The following DMXL2 variants were observed in gnomAD, a reference collection of about 807,000 sequenced individuals.
DMXL2 encodes dmX-like protein 2.
In DMXL2, 103 loss-of-function variants were observed where a neutral mutation model predicts 331.1. The ratio of observed to expected loss-of-function variants is 0.31; its 90% CI spans 0.27 to 0.37. The LOEUF (loss-of-function observed/expected upper bound fraction) is 0.37, where lower values mean the gene tolerates loss of function less well. DMXL2 is among the 10% of genes least tolerant of loss of function. The pLI, the probability that DMXL2 is intolerant of heterozygous loss-of-function variation, is 1.00. For synonymous variants in DMXL2, 1,281 were observed against 1,252.1 expected (o/e 1.02, Z -0.49); for missense variants, 3,171 against 3,642.9 (o/e 0.87, Z 3.33).
chr15:51,536,049 T>G (rs2048268375), intron 12 of DMXL2, 117 bp downstream of exon 12: 1 of 1,012,220 alleles, frequency 9.9e-7, no homozygotes, highest in Admixed American at 3.4e-5. Context: ...AAAATCACCT[T>G]AATGAAAACT....
intron 5 of DMXL2, 23 bp from the exon 6 acceptor site, chr15:51,563,470 AT>A: frequency 6.4e-7 from 1 of 1,565,002 alleles, no homozygotes. Flanking sequence ...GAGTTAGGCA[AT>A]TAGCCCTTTT....
At chr15:51,559,452 C>T (rs935606327) in intron 6 of DMXL2, among the ~76,000 whole-genome samples, 4 of 152,146 alleles carry the variant, frequency 2.6e-5, no homozygotes, top group African/African-American at 9.7e-5. Context: ...CAGTGGCTCA[C>T]GCCTGTAATC....
intron 1 of DMXL2, among the ~76,000 whole-genome samples, chr15:51,598,040 T>C (rs1015868300): frequency 5.9e-5 from 9 of 152,242 alleles, no homozygotes; most frequent in African/African-American, 1.9e-4. Flanking sequence ...AATATAGATG[T>C]TGCAATTCTT....
chr15:51,551,745 G>A (rs2049235395), intron 6 of DMXL2, among the ~76,000 whole-genome samples: 1 of 152,168 alleles, frequency 6.6e-6, no homozygotes, highest in Admixed American at 6.5e-5. Flanking sequence ...GAATGGCTGG[G>A]GATATAGCTG....
intron 33 of DMXL2, among the ~76,000 whole-genome samples, chr15:51,461,839 T>C (rs1295394152): frequency 6.6e-6 from 1 of 152,152 alleles, no homozygotes; most frequent in Admixed American, 6.5e-5. Flanking sequence ...TATGCCTGGC[T>C]AAAATCTTTT....
At chr15:51,540,335 G>C (rs1330873072) in intron 9 of DMXL2, among the ~76,000 whole-genome samples, 3 of 152,120 alleles carry the variant, frequency 2.0e-5, no homozygotes, top group Non-Finnish European at 4.4e-5. Flanking sequence ...TTCCTCACAT[G>C]CAATAACAGT....
chr15:51,576,637 G>A (rs908386041), intron 1 of DMXL2, among the ~76,000 whole-genome samples: 2 of 152,072 alleles, frequency 1.3e-5, no homozygotes, highest in African/African-American at 4.8e-5. Flanking sequence ...AATTCCACAT[G>A]CCTTAAAGAG....
intron 13 of DMXL2, among the ~76,000 whole-genome samples, chr15:51,524,612 G>C (rs1479124448): frequency 6.6e-6 from 1 of 152,148 alleles, no homozygotes; most frequent in Non-Finnish European, 1.5e-5. Context: ...GGAAGAGCAA[G>C]CAACTGTGAG....
In DMXL2 at chr15:51,481,037, A is replaced by G. The variant is rs1351989536; in HGVS notation, c.6069T>C (p.Pro2023=). ...CACCTTCAGGATCATCCTCTTCCTG[A>G]GGTGTTAATAACATGTTAGGGTCTG... The part of the protein sequence containing the change: ...KASDPNMLLT[P]QEEDDPEGDT... The change falls in exon 24 of 44, where the codon CCT becomes CCC. Residue 2023 remains proline, a synonymous_variant. Coordinates refer to ENST00000560891, the MANE Select transcript of DMXL2 (RefSeq NM_001378457.1). The G allele has an allele frequency of 3.1e-6, 5 of 1,614,030 alleles. No homozygotes were observed. Among genetic ancestry groups the G allele is most frequent in the Non-Finnish European group, 4.2e-6 (5 of 1,180,028 alleles).
At position 51,449,114 on chromosome 15, in the gene DMXL2, C is replaced by A; in HGVS notation, c.9047G>T (p.Gly3016Val). The A allele has an allele frequency of 1.2e-6, 2 of 1,614,114 alleles. No homozygotes were observed. Among genetic ancestry groups the A allele is most frequent in the Non-Finnish European group, 1.7e-6 (2 of 1,180,012 alleles). Residue 3016 changes from glycine (G) to valine (V), a missense_variant, in exon 44 of 44, where the codon GGG (glycine) becomes GTG (valine). Physicochemically the swap from Gly to Val is moderately radical, Grantham distance 109. Transcript: ENST00000560891. ...HAKQSIFRNI[G>V]AGVMQIDIIQ... is the part of the protein sequence containing the mutation. ...GATGTCAATCTGCATGACTCCAGCC[C>A]CAATGTTTCGAAATATGGACTGCTT...
At chr15:51,458,246 A>C (rs538605802) in intron 36 of DMXL2, among the ~76,000 whole-genome samples, 1 of 152,358 alleles carries the variant, frequency 6.6e-6, no homozygotes, top group East Asian at 1.9e-4. Flanking sequence ...GATCAGATTA[A>C]TTTACTGAAT....
chr15:51,543,637 T>C lies in DMXL2; in HGVS notation c.931-1130A>G, dbSNP rs528880410. ...ACAAAACATATAACTTAAGAATATA[T>C]ACAATTATATAGAACTAACAGTAAG... is the stretch of plus-strand genomic sequence containing the variant. On this transcript the variant is annotated intron_variant, in intron 8 of 43. Transcript: ENST00000560891. Among the ~76,000 whole-genome samples the C allele has an allele frequency of 5.3e-5, 8 of 152,266 alleles. No homozygotes were observed. The East Asian group carries it at 5.8e-4, about 11-fold the overall frequency.
chr15:51,622,144 T>G (rs2054681285), intron 1 of DMXL2, among the ~76,000 whole-genome samples: 2 of 152,204 alleles, frequency 1.3e-5, no homozygotes, highest in Middle Eastern at 3.4e-3. Flanking sequence ...GCACCACCAC[T>G]TTCCTCCACC....
At chr15:51,531,601 AAAATATCTTC>A (rs2048005323) in intron 13 of DMXL2, among the ~76,000 whole-genome samples, 2 of 152,338 alleles carry the variant, frequency 1.3e-5, no homozygotes, top group South Asian at 4.1e-4. Flanking sequence ...AGAATGAGAG[AAAATATCTTC>A]AAACTACTCA....
At position 51,536,146 on chromosome 15, in the gene DMXL2, C is replaced by A. The variant is rs775514749; in HGVS notation, c.2314+20G>T. On this transcript the variant is annotated intron_variant, in intron 12 of 43. Transcript: ENST00000560891. ...AGTTTAAAAGCTTGTGTTAATTTCA[C>A]AATTACAATGAACACTTACCTAGAC... 2 of 1,516,606 alleles carry A rather than the reference C, an allele frequency of 1.3e-6. No individual in the cohort carries two copies. Among genetic ancestry groups the A allele is most frequent in the Non-Finnish European group, 1.8e-6 (2 of 1,131,564 alleles). The allele number at this position is 1,516,606 out of a possible 1,614,324, so 93.9% of individuals were successfully genotyped here.
At chr15:51,531,318 T>C (rs1455565882) in intron 13 of DMXL2, among the ~76,000 whole-genome samples, 1 of 152,168 alleles carries the variant, frequency 6.6e-6, no homozygotes, top group Non-Finnish European at 1.5e-5. Flanking sequence ...CCAGGAAAAC[T>C]GGATATCCAT....
At chr15:51,607,348 C>T (rs551951670) in intron 1 of DMXL2, among the ~76,000 whole-genome samples, 2 of 152,070 alleles carry the variant, frequency 1.3e-5, no homozygotes, top group South Asian at 4.2e-4. Flanking sequence ...CCCAGCTACT[C>T]GGGAGGCTGA....
chr15:51,484,000 C>G (rs941026458), intron 23 of DMXL2, among the ~76,000 whole-genome samples: 14 of 152,066 alleles, frequency 9.2e-5, no homozygotes, highest in African/African-American at 3.4e-4. Context: ...GCCTCACTGC[C>G]ACCCCAGCTA....
chr15:51,563,310 A>C (rs1433419535), intron 6 of DMXL2, 71 bp downstream of exon 6: 2 of 1,286,028 alleles, frequency 1.6e-6, no homozygotes, highest in Non-Finnish European at 2.2e-6. Flanking sequence ...AAAACTGAAA[A>C]TAAAAATAAA....
Sources: gnomAD v4.1 joint callset for allele counts (sites outside exome capture counted in the v4.1 genomes callset) on GRCh38, gnomAD v4.1.1 for gene constraint, MANE v1.5 for transcripts, NCBI Gene and HGNC (gene_info 2026-07-23, HGNC 2026-07-21) for gene names.